DSCAM: variants seen among roughly 807,000 people sequenced by gnomAD.
The protein encoded by DSCAM is DS cell adhesion molecule.
DSCAM carries 47 observed loss-of-function variants against 217.7 expected under a neutral mutation model. That is an observed-to-expected ratio of 0.22 (90% CI 0.17 to 0.28). DSCAM has a LOEUF of 0.28. Among genes scored for constraint, DSCAM ranks in the 10% least tolerant of loss-of-function variants. DSCAM has a pLI of 1.00. For synonymous variants in DSCAM, 1,056 were observed against 1,015.3 expected (o/e 1.04, Z -0.76); for missense variants, 2,080 against 2,618.3 (o/e 0.79, Z 4.49).
At chr21:40,672,131 G>A (rs1017949246) in intron 3 of DSCAM, among the ~76,000 whole-genome samples, 2 of 152,256 alleles carry the variant, frequency 1.3e-5, no homozygotes, top group Non-Finnish European at 2.9e-5. Context: ...GTTAGGTACT[G>A]CCCTGATGCC....
chr21:40,266,635 T>TATATATATATATATA (rs1555896543), intron 11 of DSCAM, among the ~76,000 whole-genome samples: 1 of 62,642 alleles, frequency 1.6e-5, no homozygotes, highest in Non-Finnish European at 2.7e-5. Context: ...CAAAGATGTT[T>TATATATATATATATA]TATATATATA....
At chr21:40,701,377 C>G (rs1315761213) in intron 2 of DSCAM, among the ~76,000 whole-genome samples, 3 of 152,040 alleles carry the variant, frequency 2.0e-5, no homozygotes, top group Non-Finnish European at 4.4e-5. Context: ...TTTAAAAGAA[C>G]TTTTAGTTTC....
chr21:40,839,353 G>A (rs1432569216), intron 1 of DSCAM, among the ~76,000 whole-genome samples: 1 of 152,186 alleles, frequency 6.6e-6, no homozygotes, highest in East Asian at 1.9e-4. Flanking sequence ...TTACTGAGAT[G>A]TATGCAGATT....
chr21:40,376,589 T>TATATCGATATCTATATATCTTATATAG (rs1569093033), intron 3 of DSCAM, among the ~76,000 whole-genome samples: 8 of 14,064 alleles, frequency 5.7e-4, no homozygotes, highest in African/African-American at 8.3e-4. Flanking sequence ...CTATATATCT[T>TATATCGATATCTATATATCTTATATAG]ATATCGATAT....
intron 3 of DSCAM, among the ~76,000 whole-genome samples, chr21:40,647,513 A>T (rs1464391342): frequency 2.4e-5 from 3 of 127,094 alleles, no homozygotes; most frequent in Non-Finnish European, 5.3e-5. Flanking sequence ...TTAATGGACC[A>T]CTCGAAATTC....
At chr21:40,440,223 C>T (rs1003021005) in intron 3 of DSCAM, among the ~76,000 whole-genome samples, 11 of 152,186 alleles carry the variant, frequency 7.2e-5, no homozygotes, top group Non-Finnish European at 1.5e-4. Context: ...CAGAGAGACA[C>T]ATGGAAGGAG....
At chr21:40,213,116 C>T (rs1381155810) in intron 11 of DSCAM, among the ~76,000 whole-genome samples, 1 of 152,198 alleles carries the variant, frequency 6.6e-6, no homozygotes, top group Non-Finnish European at 1.5e-5. Context: ...GCATGGCAGA[C>T]CTAAGAAACG....
intron 3 of DSCAM, among the ~76,000 whole-genome samples, chr21:40,465,385 T>A (rs1256199692): frequency 6.6e-6 from 1 of 152,210 alleles, no homozygotes; most frequent in Non-Finnish European, 1.5e-5. Flanking sequence ...AAAGCTCTGT[T>A]TGAACATTTG....
intron 1 of DSCAM, among the ~76,000 whole-genome samples, chr21:40,728,775 C>T (rs1361995982): frequency 6.6e-6 from 1 of 152,178 alleles, no homozygotes; most frequent in East Asian, 1.9e-4. Context: ...TTAGGCCCTT[C>T]CCAAGCATTT....
At chr21:40,346,237 A>G (rs1447469349) in intron 6 of DSCAM, among the ~76,000 whole-genome samples, 1 of 152,262 alleles carries the variant, frequency 6.6e-6, no homozygotes, top group Non-Finnish European at 1.5e-5. Context: ...TATACGGAAC[A>G]CAGTGTCAGG....
chr21:40,647,349 C>T (rs1012860880), intron 3 of DSCAM, among the ~76,000 whole-genome samples: 5 of 152,082 alleles, frequency 3.3e-5, no homozygotes, highest in Non-Finnish European at 7.3e-5. Flanking sequence ...ATTTTTCCAT[C>T]AGATATAGTT....
intron 1 of DSCAM, among the ~76,000 whole-genome samples, chr21:40,712,453 G>C (rs970852558): frequency 8.7e-6 from 1 of 115,354 alleles, no homozygotes; most frequent in Non-Finnish European, 1.6e-5. Flanking sequence ...CTGGGCGACA[G>C]AGCGAGACTC....
chr21:40,273,286 T>C (rs914670414), intron 11 of DSCAM, among the ~76,000 whole-genome samples: 5 of 152,326 alleles, frequency 3.3e-5, no homozygotes, highest in East Asian at 3.9e-4. Flanking sequence ...CTTCCTATTT[T>C]CTAGGCCTAG....
At chr21:40,781,677 C>T (rs896639163) in intron 1 of DSCAM, among the ~76,000 whole-genome samples, 4 of 152,110 alleles carry the variant, frequency 2.6e-5, no homozygotes, top group East Asian at 3.9e-4. Flanking sequence ...ACTAAGCTCA[C>T]GCTGTGAGCT....
intron 3 of DSCAM, among the ~76,000 whole-genome samples, chr21:40,391,889 G>A (rs983972985): frequency 6.6e-6 from 1 of 152,124 alleles, no homozygotes; most frequent in Non-Finnish European, 1.5e-5. Context: ...CATCTCACAC[G>A]CCAGGAAGTT....
rs554068668 is a variant in DSCAM at position 40,415,477 on chromosome 21, G to T, written c.509-46232C>A. The stretch of plus-strand genomic sequence containing the variant: ...CAAACTAATGAATGACCCAGGTCTG[G>T]ATGGTCACTGTGCAAGATGCTGAGG... On this transcript the variant is annotated intron_variant, in intron 3 of 32. Transcript: ENST00000400454. Among the ~76,000 whole-genome samples the T allele has an allele frequency of 9.8e-5, 15 of 152,360 alleles. No individual in the cohort carries two copies. The East Asian group carries it at 2.9e-3, about 29-fold the overall frequency.
In DSCAM at chr21:40,042,485, G is replaced by A; in HGVS notation, c.5572C>T (p.Leu1858=). The stretch of plus-strand genomic sequence containing the variant: ...GATTCGGAAGGGGTGCTGGAGGTCA[G>A]ACTGTCCGTGTACTCATTTGTCCCT... ...TAGTNEYTDS[L]TSSTPSESGI... Residue 1858 remains leucine (L), a synonymous_variant, in exon 32 of 33, where the codon CTG becomes TTG. Transcript: ENST00000400454. 6.2e-7 allele frequency: 1 copy of A among 1,614,198 alleles called. No homozygotes were observed. Among genetic ancestry groups the A allele is most frequent in the South Asian group, 1.1e-5 (1 of 91,076 alleles).
intron 3 of DSCAM, among the ~76,000 whole-genome samples, chr21:40,645,886 G>A (rs1023206773): frequency 1.3e-5 from 2 of 152,138 alleles, no homozygotes; most frequent in Non-Finnish European, 2.9e-5. Flanking sequence ...ACTGTCTTGG[G>A]ACATCAAAAA....
intron 16 of DSCAM, among the ~76,000 whole-genome samples, chr21:40,160,140 G>A (rs1601397166): frequency 6.6e-6 from 1 of 152,164 alleles, no homozygotes; most frequent in East Asian, 1.9e-4. Flanking sequence ...GGGAGGTGAG[G>A]AGAGAGGAGA....
Sources: gnomAD v4.1 joint callset for allele counts (sites outside exome capture counted in the v4.1 genomes callset) on GRCh38, gnomAD v4.1.1 for gene constraint, MANE v1.5 for transcripts, NCBI Gene and HGNC (gene_info 2026-07-23, HGNC 2026-07-21) for gene names.